TJP1: variants seen among roughly 807,000 people sequenced by gnomAD.
The protein encoded by TJP1 is tight junction protein ZO-1.
A neutral mutation model predicts 194.2 loss-of-function variants in TJP1; 43 were observed. The observed-to-expected ratio is 0.22, with a 90% CI of 0.17 to 0.29. The LOEUF (loss-of-function observed/expected upper bound fraction) is 0.29, where lower values mean the gene tolerates loss of function less well. Among genes scored for constraint, TJP1 ranks in the 10% least tolerant of loss-of-function variants. TJP1 has a pLI of 1.00. For synonymous variants in TJP1, 801 were observed against 779.0 expected, an observed-to-expected ratio of 1.03 and a Z score of -0.47; for missense variants, 1,971 against 2,185.7, an observed-to-expected ratio of 0.90 and a Z score of 1.96.
intron 8 of TJP1, among the ~76,000 whole-genome samples, chr15:29,745,224 C>A (rs1464123120): frequency 6.6e-6 from 1 of 150,454 alleles, no homozygotes; most frequent in East Asian, 1.9e-4. Flanking sequence ...GACAGTGATA[C>A]CTGTGAACAC....
intron 2 of TJP1, among the ~76,000 whole-genome samples, chr15:29,910,968 C>T (rs1225525437): frequency 6.6e-6 from 1 of 152,246 alleles, no homozygotes. Flanking sequence ...CTCTAACACT[C>T]ACTAGCTGAT....
chr15:29,903,824 C>A (rs1162657203), intron 2 of TJP1, among the ~76,000 whole-genome samples: 1 of 152,156 alleles, frequency 6.6e-6, no homozygotes, highest in Admixed American at 6.5e-5. Flanking sequence ...GGGGAAAAAG[C>A]AGCAATCTAA....
intron 2 of TJP1, among the ~76,000 whole-genome samples, chr15:29,835,174 T>C (rs2050984708): frequency 6.6e-6 from 1 of 152,196 alleles, no homozygotes; most frequent in Non-Finnish European, 1.5e-5. Context: ...ATGAGGCCAA[T>C]GTGAGATGTG....
chr15:29,862,686 C>G (rs2052130275), intron 2 of TJP1, among the ~76,000 whole-genome samples: 1 of 140,584 alleles, frequency 7.1e-6, no homozygotes, highest in African/African-American at 2.7e-5. Context: ...CTCGCTCTGT[C>G]ACCCAGGCTG....
At position 29,732,790 on chromosome 15, in the gene TJP1, A is replaced by G; in HGVS notation, c.1762T>C (p.Tyr588His). Reference sequence around the variant, plus strand: ...CCGCCTGCTGTTTTTGGAAGTGTATACTGTACACTGGCTAGCTGCTCAGCT... The same window carrying G: ...CCGCCTGCTGTTTTTGGAAGTGTATGCTGTACACTGGCTAGCTGCTCAGCT... ...NRAEQLASVQ[Y>H]TLPKTAGGDR... is the part of the protein sequence containing the mutation. Residue 588 changes from tyrosine (Y) to histidine (H), a missense_variant, in exon 14 of 28, where the codon TAT becomes CAT. Transcript: ENST00000614355. The G allele has an allele frequency of 1.2e-6, 2 of 1,606,770 alleles. No homozygotes were observed. The highest frequency in any genetic ancestry group is 8.5e-7 in the Non-Finnish European group (1 of 1,177,528).
At chr15:29,801,394 C>G (rs1369598229) in intron 1 of TJP1, among the ~76,000 whole-genome samples, 4 of 152,044 alleles carry the variant, frequency 2.6e-5, no homozygotes, top group Admixed American at 2.6e-4. Flanking sequence ...CAGGTCCTGC[C>G]CAAATTATAG....
chr15:29,822,048 G>C lies in TJP1; in HGVS notation c.-20C>G, dbSNP rs763768231. 3.8e-6 allele frequency: 5 copies of C among 1,309,734 alleles called. No homozygotes were observed. Among genetic ancestry groups the C allele is most frequent in the Middle Eastern group, 2.1e-4 (1 of 4,754 alleles). The allele number at this position is 1,309,734 out of a possible 1,614,324, so 81.1% of individuals were successfully genotyped here. On this transcript the variant is annotated 5_prime_UTR_variant, in exon 1 of 28. Coordinates refer to ENST00000614355, the MANE Select transcript of TJP1 (RefSeq NM_001330239.4). ...GGACATCTTGTCTCTCTCCAGCGCC[G>C]CGCGAGGCTCCTCGGACCCGAAACT...
rs762084848 is a variant in TJP1, at chr15:29,716,746, C to A, written c.4067G>T (p.Arg1356Leu). 2.5e-6 allele frequency: 4 copies of A among 1,613,906 alleles called. No homozygotes were observed. Among genetic ancestry groups the A allele is most frequent in the Non-Finnish European group, 3.4e-6 (4 of 1,180,014 alleles). ...TCGGTCAAAGTATGACAGCTGTTTT[C>A]GATAATATTCTTCATCTTCTTCAGG... ...YDPEEDEEYY[R>L]KQLSYFDRRS... Residue 1356 changes from arginine (R) to leucine (L), a missense_variant, in exon 23 of 28, where the codon CGA (arginine) becomes CTA (leucine). This residue lies in a region of TJP1 where 1,108 missense variants were observed against 1,128.5 expected (regional missense o/e 0.98). Coordinates refer to ENST00000614355, the MANE Select transcript of TJP1 (RefSeq NM_001330239.4).
At chr15:29,733,532 T>C (rs1235952588) in intron 12 of TJP1, among the ~76,000 whole-genome samples, 2 of 152,216 alleles carry the variant, frequency 1.3e-5, no homozygotes, top group East Asian at 3.8e-4. Flanking sequence ...AGAAAATACA[T>C]CAAGTAACTT....
intron 1 of TJP1, among the ~76,000 whole-genome samples, chr15:29,965,250 C>T (rs57380751): frequency 0.22 from 33,574 of 151,698 alleles, 3,931 homozygotes; most frequent in East Asian, 0.39. Context: ...TGCTCTGTCA[C>T]CCAGGCTGGA....
chr15:29,926,858 C>T (rs1207804293), intron 2 of TJP1, among the ~76,000 whole-genome samples: 1 of 152,040 alleles, frequency 6.6e-6, no homozygotes, highest in Non-Finnish European at 1.5e-5. Flanking sequence ...AAATGACTGA[C>T]ACGTTTTGAA....
At chr15:29,722,491 G>A (rs2042989065) in intron 18 of TJP1, among the ~76,000 whole-genome samples, 1 of 151,982 alleles carries the variant, frequency 6.6e-6, no homozygotes, top group South Asian at 2.1e-4. Flanking sequence ...AGGCTTGGGA[G>A]CCTCTGCCTA....
At chr15:29,966,267 C>T (rs1200754230) in intron 1 of TJP1, among the ~76,000 whole-genome samples, 1 of 152,172 alleles carries the variant, frequency 6.6e-6, no homozygotes, top group African/African-American at 2.4e-5. Context: ...CTTTGGAAGG[C>T]CAAGGCAGGT....
intron 8 of TJP1, among the ~76,000 whole-genome samples, chr15:29,748,971 C>CGTGT (rs1340740524): frequency 1.7e-3 from 38 of 22,176 alleles, no homozygotes; most frequent in South Asian, 6.2e-3. Context: ...TGTGCGCGCG[C>CGTGT]GCGTTTGCTA....
intron 2 of TJP1, among the ~76,000 whole-genome samples, chr15:29,944,509 A>G (rs1479670815): frequency 6.6e-6 from 1 of 152,210 alleles, no homozygotes; most frequent in Non-Finnish European, 1.5e-5. Flanking sequence ...ATAAATACAG[A>G]TATCTGAATT....
At chr15:29,872,326 T>C (rs956407632) in intron 2 of TJP1, among the ~76,000 whole-genome samples, 1 of 152,140 alleles carries the variant, frequency 6.6e-6, no homozygotes, top group African/African-American at 2.4e-5. Flanking sequence ...CAATCAGACA[T>C]GATGATGAAG....
In TJP1 at chr15:29,822,237, C is replaced by G. The variant is rs914842058; in HGVS notation, c.-209G>C. 4.3e-6 allele frequency: 5 copies of G among 1,173,758 alleles called. No individual in the cohort carries two copies. Among genetic ancestry groups the G allele is most frequent in the Non-Finnish European group, 5.3e-6 (5 of 950,512 alleles). 72.7% of individuals were successfully genotyped at this position (1,173,758 alleles called of 1,614,324 possible). Reference sequence around the variant, plus strand: ...GCCCGCCCCGCCCGGGTCTTCTCCACGGGGCGCGCCCGACCGGCACCTCCC... The same window carrying G: ...GCCCGCCCCGCCCGGGTCTTCTCCAGGGGGCGCGCCCGACCGGCACCTCCC... On this transcript the variant is annotated 5_prime_UTR_variant, in exon 1 of 28. Transcript: ENST00000614355.
At position 29,719,053 on chromosome 15, in the gene TJP1, C is replaced by T; in HGVS notation, c.3089G>A (p.Arg1030Lys). Reference protein sequence around the residue: ...KQPAVSHPGHRPDKEPNLTYE... With the variant: ...KQPAVSHPGHKPDKEPNLTYE... ...GGTCAGATTAGGCTCTTTGTCTGGC[C>T]TGTGCCCTGGGTGACTAACGGCTGG... Residue 1030 changes from arginine to lysine, a missense_variant, in exon 21 of 28, where the codon AGG becomes AAG. By Grantham distance (26) the Arg-to-Lys change is conservative. This residue lies in a region of TJP1 where 1,108 missense variants were observed against 1,128.5 expected (regional missense o/e 0.98). Transcript: ENST00000614355. The T allele has an allele frequency of 6.2e-7, 1 of 1,614,186 alleles. No individual in the cohort carries two copies. Among genetic ancestry groups the T allele is most frequent in the Non-Finnish European group, 8.5e-7 (1 of 1,180,038 alleles).
At chr15:29,757,719 G>A (rs1388462666) in intron 8 of TJP1, among the ~76,000 whole-genome samples, 3 of 152,138 alleles carry the variant, frequency 2.0e-5, no homozygotes, top group Non-Finnish European at 2.9e-5. Context: ...TGTAGTTGAA[G>A]TTACCTTTTC....
Sources: gnomAD v4.1 joint callset for allele counts (sites outside exome capture counted in the v4.1 genomes callset) on GRCh38, gnomAD v4.1.1 for gene constraint, gnomAD v4.1.1 regional missense constraint, MANE v1.5 for transcripts, NCBI Gene and HGNC (gene_info 2026-07-23, HGNC 2026-07-21) for gene names.